ATXN10: variants seen among roughly 807,000 people sequenced by gnomAD.
ATXN10 encodes ataxin-10.
Under a neutral mutation model 52.9 loss-of-function variants are expected in ATXN10, and 28 were observed. The observed-to-expected ratio is 0.53, with a 90% CI of 0.39 to 0.73. ATXN10 has a LOEUF of 0.73. Among genes scored for constraint, ATXN10 ranks in the 30% least tolerant of loss-of-function variants. The pLI is 0.00. For synonymous variants in ATXN10, 226 were observed against 221.5 expected, an observed-to-expected ratio of 1.02 and a Z score of -0.18; for missense variants, 565 against 577.0, an observed-to-expected ratio of 0.98 and a Z score of 0.21.
chr22:45,770,852 A>C lies in ATXN10; in HGVS notation c.1173+30314A>C, dbSNP rs1043658793. ...GTCCCATGGCCTGGGAATACCCCCA[A>C]ATTCCCTCCCTGATCCCTGAGTAGC... On this transcript the variant is annotated intron_variant, in intron 9 of 11. Coordinates refer to ENST00000252934, the MANE Select transcript of ATXN10 (RefSeq NM_013236.4). The surrounding 1 kb of genome is among the most constrained non-coding windows in gnomAD (Gnocchi z 4.5). 6.6e-6 allele frequency among the ~76,000 whole-genome samples: 1 copy of C among 152,240 alleles called. No homozygotes were observed. Among genetic ancestry groups the C allele is most frequent in the East Asian group, 1.9e-4 (1 of 5,180 alleles).
intron 10 of ATXN10, among the ~76,000 whole-genome samples, chr22:45,831,846 G>A (rs867437127): frequency 7.2e-5 from 11 of 152,186 alleles, no homozygotes; most frequent in South Asian, 2.1e-4. Flanking sequence ...ATAGAGGAGC[G>A]TGGTGGCCTT....
In ATXN10 at chr22:45,825,415, G is replaced by T. The variant is rs923961484; in HGVS notation, c.1238-17576G>T. On this transcript the variant is annotated intron_variant, in intron 10 of 11. Coordinates refer to ENST00000252934, the MANE Select transcript of ATXN10 (RefSeq NM_013236.4). The surrounding 1 kb of genome is among the most constrained non-coding windows in gnomAD (Gnocchi z 4.5). ...ATACAGGGAAAATTAGAAAGTCACC[G>T]TAGATTCCCAGGGAATAGCATAGGC... 6.6e-6 allele frequency among the ~76,000 whole-genome samples: 1 copy of T among 152,108 alleles called. No individual in the cohort carries two copies. Among genetic ancestry groups the T allele is most frequent in the East Asian group, 1.9e-4 (1 of 5,192 alleles).
At chr22:45,771,372 G>A (rs1030057635) in intron 9 of ATXN10, among the ~76,000 whole-genome samples, 3 of 148,190 alleles carry the variant, frequency 2.0e-5, no homozygotes, top group African/African-American at 7.5e-5. Flanking sequence ...GGCTAATGAT[G>A]TTGGACGTTT....
chr22:45,722,226 A>T (rs760107910), intron 6 of ATXN10, among the ~76,000 whole-genome samples: 3 of 152,240 alleles, frequency 2.0e-5, no homozygotes, highest in Admixed American at 6.5e-5. Flanking sequence ...CACAGTGAAT[A>T]AGTCAATGAG....
chr22:45,747,575 G>A (rs1689669757), intron 9 of ATXN10, among the ~76,000 whole-genome samples: 2 of 152,162 alleles, frequency 1.3e-5, no homozygotes, highest in Admixed American at 1.3e-4. Context: ...TGCTTGGCTT[G>A]TAACATTGGA....
At chr22:45,682,318 T>A (rs1922956779) in intron 1 of ATXN10, among the ~76,000 whole-genome samples, 1 of 151,864 alleles carries the variant, frequency 6.6e-6, no homozygotes, top group Non-Finnish European at 1.5e-5. Context: ...TAGCTGGACT[T>A]CTTTGTTTTT....
intron 3 of ATXN10, among the ~76,000 whole-genome samples, chr22:45,695,656 G>C (rs753106446): frequency 6.6e-6 from 1 of 151,854 alleles, no homozygotes; most frequent in Non-Finnish European, 1.5e-5. Flanking sequence ...GCCGCACTCG[G>C]CTGATTTTTT....
chr22:45,729,875 G>T, intron 7 of ATXN10: 1 of 420,082 alleles, frequency 2.4e-6, no homozygotes, highest in Non-Finnish European at 4.4e-6. Flanking sequence ...TCTATTAAAA[G>T]TGGAGCCTTT....
In ATXN10 at chr22:45,762,501, A is replaced by C. The variant is rs977756387; in HGVS notation, c.1173+21963A>C. On this transcript the variant is annotated intron_variant, in intron 9 of 11. Transcript: ENST00000252934. This position sits in a 1 kb window ranked among gnomAD's most constrained non-coding sequence, Gnocchi z 4.3. ...CCACCCTAGCCGAACCTGTGTCTGC[A>C]CACCTGTTGTGTCTTCCTGGGAGGC... is the stretch of plus-strand genomic sequence containing the variant. Among the ~76,000 whole-genome samples the C allele has an allele frequency of 2.0e-5, 3 of 152,138 alleles. No individual in the cohort carries two copies. Among genetic ancestry groups the C allele is most frequent in the Non-Finnish European group, 4.4e-5 (3 of 68,022 alleles).
At chr22:45,675,278 A>G (rs961798032) in intron 1 of ATXN10, 1 of 152,226 alleles carries the variant, frequency 6.6e-6, no homozygotes, top group African/African-American at 2.4e-5. Flanking sequence ...GCAGCCCCCA[A>G]GTGAAAAGAA....
At position 45,801,384 on chromosome 22, in the gene ATXN10, T is replaced by C. The variant is rs376307482; in HGVS notation, c.1174-5575T>C. Among the ~76,000 whole-genome samples the C allele has an allele frequency of 7.3e-5, 11 of 151,374 alleles. No individual in the cohort carries two copies. The South Asian group carries it at 1.9e-3, about 26-fold the overall frequency. On this transcript the variant is annotated intron_variant, in intron 9 of 11. Transcript: ENST00000252934. Reference sequence around the variant, plus strand: ...GTGTCTGCAATGCCCAAGCCACTTCTTTTTTACTTCTGCTTGAGTCACACC... The same window carrying C: ...GTGTCTGCAATGCCCAAGCCACTTCCTTTTTACTTCTGCTTGAGTCACACC...
chr22:45,682,553 A>ACC (rs1318029640), intron 1 of ATXN10, among the ~76,000 whole-genome samples: 1 of 151,932 alleles, frequency 6.6e-6, no homozygotes, highest in Non-Finnish European at 1.5e-5. Context: ...CAGGTGATCC[A>ACC]CCCACCTTGG....
chr22:45,810,677 G>A (rs1928252643), intron 10 of ATXN10, among the ~76,000 whole-genome samples: 1 of 152,142 alleles, frequency 6.6e-6, no homozygotes, highest in South Asian at 2.1e-4. Context: ...TCTTTTCTGT[G>A]TACTTCTTGA....
chr22:45,693,134 A>G, intron 3 of ATXN10, 56 bp downstream of exon 3: 1 of 1,357,312 alleles, frequency 7.4e-7, no homozygotes, highest in Non-Finnish European at 1.1e-6. Flanking sequence ...GTTCAAAACC[A>G]GTACTTTGAG....
chr22:45,747,633 T>G (rs929426338), intron 9 of ATXN10, among the ~76,000 whole-genome samples: 4 of 152,200 alleles, frequency 2.6e-5, no homozygotes. Context: ...GGCAGAGAGC[T>G]TATGAGACTT....
chr22:45,768,532 A>C (rs1258279403), intron 9 of ATXN10, among the ~76,000 whole-genome samples: 1 of 152,224 alleles, frequency 6.6e-6, no homozygotes, highest in Non-Finnish European at 1.5e-5. Context: ...AAAACAAATT[A>C]ATTGCAACCA....
intron 9 of ATXN10, among the ~76,000 whole-genome samples, chr22:45,748,275 T>G (rs917009976): frequency 6.6e-6 from 1 of 152,210 alleles, no homozygotes; most frequent in Admixed American, 6.5e-5. Flanking sequence ...CCCTTTGGAA[T>G]TGAAAAGATC....
rs1004039052 is a variant in ATXN10, at chr22:45,820,444, ACT to A, written c.1237+13425_1237+13426del. ...TTTCTTCTAATGATAAGTGACTTGG[ACT>A]CTGAGCAACTTGGAGGGAATTCAGA... On this transcript the variant is annotated intron_variant, in intron 10 of 11. Transcript: ENST00000252934. The surrounding 1 kb of genome is among the most constrained non-coding windows in gnomAD (Gnocchi z 4.9). 2.0e-5 allele frequency among the ~76,000 whole-genome samples: 3 copies of A among 152,050 alleles called. No homozygotes were observed. The highest frequency in any genetic ancestry group is 4.4e-5 in the Non-Finnish European group (3 of 67,998).
intron 9 of ATXN10, among the ~76,000 whole-genome samples, chr22:45,758,044 T>C (rs549552858): frequency 2.0e-5 from 3 of 152,354 alleles, no homozygotes; most frequent in Admixed American, 6.5e-5. Context: ...GATGCAACTA[T>C]TCGTTACCAG....
Sources: allele counts gnomAD v4.1 joint callset (sites outside exome capture counted in the v4.1 genomes callset), GRCh38; gene constraint gnomAD v4.1.1; non-coding constraint Gnocchi (gnomAD v3.1); transcripts MANE v1.5; gene names NCBI Gene and HGNC (gene_info 2026-07-23, HGNC 2026-07-21).